Variants in ZC3H4 observed in about 807,000 individuals in gnomAD.
ZC3H4 encodes zinc finger CCCH domain-containing protein 4.
A neutral mutation model predicts 108.3 loss-of-function variants in ZC3H4; 13 were observed. That is an observed-to-expected ratio of 0.12 (90% CI 0.08 to 0.19). The LOEUF is 0.19. Among genes scored for constraint, ZC3H4 ranks in the 10% least tolerant of loss-of-function variants. The probability of loss-of-function intolerance (pLI) is 1.00; values close to 1 mark genes in which losing one functional copy is unlikely to be tolerated. For synonymous variants in ZC3H4, 917 were observed against 749.6 expected, an observed-to-expected ratio of 1.22 and a Z score of -3.65; for missense variants, 1,734 against 1,838.8, an observed-to-expected ratio of 0.94 and a Z score of 1.04.
chr19:47,111,527 G>A lies in ZC3H4; in HGVS notation c.161+897C>T, dbSNP rs192554072. Among the ~76,000 whole-genome samples, 234 of 152,272 alleles carry A rather than the reference G, an allele frequency of 1.5e-3. 1 individual carries two copies. Among genetic ancestry groups the A allele is most frequent in the Admixed American group, 4.3e-3 (66 of 15,294 alleles). On this transcript the variant is annotated intron_variant, in intron 2 of 14. Transcript: ENST00000253048. ...ACCAACTTCCTCTCCCTACAAGGCAGGGAAACCAAACCTTACCCCCGCAAA... is the reference window on the plus strand; with the variant it reads ...ACCAACTTCCTCTCCCTACAAGGCAAGGAAACCAAACCTTACCCCCGCAAA...
At position 47,066,692 on chromosome 19, in the gene ZC3H4, G is replaced by A. The variant is rs778252514; in HGVS notation, c.3576C>T (p.Arg1192=). Residue 1192 remains arginine, a synonymous_variant, in exon 15 of 15, where the codon CGC becomes CGT. Transcript: ENST00000253048. ...ASKAKEPPFV[R]KSALEQPETG... is the part of the protein sequence containing the mutation. ...TCTCTGGCTGTTCCAGGGCAGACTT[G>A]CGGACGAACGGGGGCTCCTTAGCCT... 1.9e-6 allele frequency: 3 copies of A among 1,610,386 alleles called. No individual in the cohort carries two copies.
Position 47,094,686 on chromosome 19 carries a change from G to A in ZC3H4, c.162-78C>T, listed in dbSNP as rs1600089657. 5 of 1,471,100 alleles carry A rather than the reference G, an allele frequency of 3.4e-6. No homozygotes were observed. In the East Asian group the frequency reaches 9.1e-5, roughly 27 times the overall value. 91.1% of individuals were successfully genotyped at this position (1,471,100 alleles called of 1,614,324 possible). On this transcript the variant is annotated intron_variant, in intron 2 of 14. Coordinates refer to ENST00000253048, the MANE Select transcript of ZC3H4 (RefSeq NM_015168.2). Reference sequence around the variant, plus strand: ...CTAGGGCTCTGGGCTGGCCAAGGCTGACAGGAACCGAAGGCCTGACTGCTG... The same window carrying A: ...CTAGGGCTCTGGGCTGGCCAAGGCTAACAGGAACCGAAGGCCTGACTGCTG...
At chr19:47,093,887 C>A (rs2057777621) in intron 4 of ZC3H4, 83 bp downstream of exon 4, 6 of 1,260,072 alleles carry the variant, frequency 4.8e-6, no homozygotes, top group Admixed American at 2.0e-5. Context: ...AAAAAATGCC[C>A]AGAACACAGC....
intron 11 of ZC3H4, among the ~76,000 whole-genome samples, chr19:47,079,380 CTTT>C (rs546892078): frequency 3.0e-5 from 4 of 134,918 alleles, no homozygotes; most frequent in Admixed American, 7.4e-5. Flanking sequence ...TTTCTTTTTA[CTTT>C]TTTTTTTTTT....
intron 6 of ZC3H4, 48 bp downstream of exon 6, chr19:47,086,336 A>G: frequency 6.2e-7 from 1 of 1,606,734 alleles, no homozygotes; most frequent in African/African-American, 1.3e-5. Flanking sequence ...CGCCCCGGAA[A>G]GCCCACCAGC....
intron 9 of ZC3H4, among the ~76,000 whole-genome samples, chr19:47,082,964 C>T (rs2057549915): frequency 6.6e-6 from 1 of 152,206 alleles, no homozygotes; most frequent in Non-Finnish European, 1.5e-5. Context: ...ATTCAGTCCT[C>T]AGGAATCACT....
intron 2 of ZC3H4, among the ~76,000 whole-genome samples, chr19:47,108,972 T>C (rs2058001708): frequency 6.6e-6 from 1 of 152,206 alleles, no homozygotes; most frequent in South Asian, 2.1e-4. Context: ...ACTTTTTTTC[T>C]ACTAGGAGAC....
At position 47,069,050 on chromosome 19, in the gene ZC3H4, C is replaced by A. The variant is rs114893173; in HGVS notation, c.2398+42G>T. On this transcript the variant is annotated intron_variant, in intron 14 of 14. Coordinates refer to ENST00000253048, the MANE Select transcript of ZC3H4 (RefSeq NM_015168.2). ...CCACCACCGCCGCTCCCCTGCACAG[C>A]GGCCTGGGGCCTGTGCCCCGGCCCC... 1,945 of 1,600,360 alleles carry A rather than the reference C, an allele frequency of 1.2e-3. 25 individuals carry two copies. The African/African-American group carries it at 0.021, about 17-fold the overall frequency.
At chr19:47,085,740 C>T (rs145568842) in intron 6 of ZC3H4, among the ~76,000 whole-genome samples, 64 of 152,244 alleles carry the variant, frequency 4.2e-4, no homozygotes, top group African/African-American at 1.4e-3. Flanking sequence ...GTGCACCTGC[C>T]GCTCCTCCTC....
chr19:47,096,801 T>C, intron 2 of ZC3H4: 1 of 985,450 alleles, frequency 1.0e-6, no homozygotes, highest in Non-Finnish European at 1.2e-6. Context: ...GTTGCTTGAC[T>C]ACCTCCTTTT....
rs985111610 is a variant in ZC3H4, at chr19:47,067,942, G to A, written c.2399-73C>T. The stretch of plus-strand genomic sequence containing the variant: ...ACCCGCCCTCTTGGATCCCACAGCA[G>A]CCCACCGTGAGCAGCTCCTTTGCTT... On this transcript the variant is annotated intron_variant, in intron 14 of 14. Coordinates refer to ENST00000253048, the MANE Select transcript of ZC3H4 (RefSeq NM_015168.2). The surrounding 1 kb of genome is among the most constrained non-coding windows in gnomAD (Gnocchi z 6.4). The A allele has an allele frequency of 2.8e-6, 4 of 1,415,870 alleles. No homozygotes were observed. In the African/African-American group the frequency reaches 4.3e-5, roughly 15 times the overall value. 87.7% of individuals were successfully genotyped at this position (1,415,870 alleles called of 1,614,324 possible). A position where few individuals can be genotyped will look rare whatever the true frequency, so the allele number is the denominator to read the frequency against.
chr19:47,097,481 C>T (rs2057841183), intron 2 of ZC3H4, among the ~76,000 whole-genome samples: 1 of 152,210 alleles, frequency 6.6e-6, no homozygotes, highest in African/African-American at 2.4e-5. Flanking sequence ...CCTCACGACA[C>T]CCAAGATGCT....
At chr19:47,100,458 C>T (rs1447787492) in intron 2 of ZC3H4, among the ~76,000 whole-genome samples, 1 of 151,972 alleles carries the variant, frequency 6.6e-6, no homozygotes, top group African/African-American at 2.4e-5. Context: ...ACGGCAACCA[C>T]CCAAGTGAGA....
rs2057779110 is a variant in ZC3H4, at chr19:47,093,951, G to A, written c.492+19C>T. On this transcript the variant is annotated intron_variant, in intron 4 of 14. Coordinates refer to ENST00000253048, the MANE Select transcript of ZC3H4 (RefSeq NM_015168.2). ...CTCCTCCCGGCCCCAGAGCTCAGCA[G>A]TGCATGCCAGTCACTCACCGGCGCA... The A allele has an allele frequency of 6.2e-7, 1 of 1,606,338 alleles. No homozygotes were observed.
intron 13 of ZC3H4, 71 bp downstream of exon 13, chr19:47,071,707 A>C (rs945120228): frequency 5.4e-6 from 8 of 1,476,744 alleles, no homozygotes; most frequent in Admixed American, 2.3e-5. Flanking sequence ...AAGAAAAATC[A>C]CATCTCCCCA....
intron 2 of ZC3H4, among the ~76,000 whole-genome samples, chr19:47,109,073 G>T (rs796412355): frequency 4.6e-5 from 7 of 152,114 alleles, no homozygotes; most frequent in African/African-American, 1.7e-4. Context: ...ATTAAATCAG[G>T]GATTCTGAGT....
chr19:47,085,559 G>C (rs1267889624), intron 6 of ZC3H4, 145 bp from the exon 7 acceptor site: 6 of 704,942 alleles, frequency 8.5e-6, no homozygotes, highest in Non-Finnish European at 1.4e-5. Flanking sequence ...CTGACGACAG[G>C]TGGTCCCAAT....
At chr19:47,106,035 TG>T (rs1362871265) in intron 2 of ZC3H4, among the ~76,000 whole-genome samples, 1 of 152,244 alleles carries the variant, frequency 6.6e-6, no homozygotes, top group African/African-American at 2.4e-5. Context: ...CTCTCTGTTT[TG>T]GTTTCTCCTC....
At chr19:47,112,917 C>G (rs1219029721) in intron 1 of ZC3H4, among the ~76,000 whole-genome samples, 1 of 151,360 alleles carries the variant, frequency 6.6e-6, no homozygotes, top group Non-Finnish European at 1.5e-5. Context: ...GTAATTAGCG[C>G]GGGCCGCGCG....
Sources: gnomAD v4.1 joint callset for allele counts (sites outside exome capture counted in the v4.1 genomes callset) on GRCh38, gnomAD v4.1.1 for gene constraint, Gnocchi (gnomAD v3.1) non-coding constraint, MANE v1.5 for transcripts, NCBI Gene and HGNC (gene_info 2026-07-23, HGNC 2026-07-21) for gene names.